Variants in NXPH1 observed in about 807,000 individuals in gnomAD.
NXPH1 encodes the protein neurexophilin 1.
A neutral mutation model predicts 23.7 loss-of-function variants in NXPH1; 5 were observed. The ratio of observed to expected loss-of-function variants is 0.21; its 90% CI spans 0.11 to 0.44. NXPH1 has a LOEUF of 0.44. Ranked by LOEUF, NXPH1 falls within the 20% of genes least tolerant of loss-of-function variation. The pLI is 0.99. For synonymous variants in NXPH1, 144 were observed against 122.2 expected (o/e 1.18, Z -1.18); for missense variants, 324 against 321.6 (o/e 1.01, Z -0.06).
chr7:8,552,114 C>CAAAAA (rs34390317), intron 2 of NXPH1, among the ~76,000 whole-genome samples: 1 of 61,744 alleles, frequency 1.6e-5, no homozygotes, highest in Non-Finnish European at 3.3e-5. Flanking sequence ...GAAAAAAAAC[C>CAAAAA]AAAAAAAAAA....
Position 8,667,843 on chromosome 7 carries a change from C to G in NXPH1, c.55-83165C>G, listed in dbSNP as rs114428723. Reference sequence around the variant, plus strand: ...AATATTTGATCTTTTAAAGCTGTCCCATAAATCCCATGTTTTATTTATTCC... The same window carrying G: ...AATATTTGATCTTTTAAAGCTGTCCGATAAATCCCATGTTTTATTTATTCC... On this transcript the variant is annotated intron_variant, in intron 2 of 2. Transcript: ENST00000405863. 8.1e-3 allele frequency among the ~76,000 whole-genome samples: 1,232 copies of G among 152,086 alleles called. 18 individuals are homozygous for G. Among genetic ancestry groups the G allele is most frequent in the African/African-American group, 0.028 (1,151 of 41,508 alleles).
intron 2 of NXPH1, among the ~76,000 whole-genome samples, chr7:8,680,148 C>T (rs116815001): frequency 0.014 from 2,191 of 152,336 alleles, 50 homozygotes; most frequent in African/African-American, 0.05. Context: ...TTTTCCTATG[C>T]TGGTAATTGT....
chr7:8,448,280 A>G (rs1816440202), intron 2 of NXPH1, among the ~76,000 whole-genome samples: 1 of 152,240 alleles, frequency 6.6e-6, no homozygotes, highest in Non-Finnish European at 1.5e-5. Flanking sequence ...GTACAATGCA[A>G]TGATGAACTA....
At chr7:8,438,592 A>G (rs1412149894) in intron 2 of NXPH1, among the ~76,000 whole-genome samples, 1 of 152,194 alleles carries the variant, frequency 6.6e-6, no homozygotes, top group Non-Finnish European at 1.5e-5. Context: ...CCCAGGGAGT[A>G]ATCACCACAT....
In NXPH1 at chr7:8,694,291, A is replaced by C. The variant is rs1479468789; in HGVS notation, c.55-56717A>C. Among the ~76,000 whole-genome samples the C allele has an allele frequency of 2.0e-5, 3 of 152,220 alleles. No individual in the cohort carries two copies. The East Asian group carries it at 5.8e-4, about 29-fold the overall frequency. ...CAGATGCCCCTATGTGCATTGGTTG[A>C]GTTGTCCCTTGACACCCATGTCAGG... On this transcript the variant is annotated intron_variant, in intron 2 of 2. Coordinates refer to ENST00000405863, the MANE Select transcript of NXPH1 (RefSeq NM_152745.3).
intron 2 of NXPH1, among the ~76,000 whole-genome samples, chr7:8,667,604 G>C (rs1289932932): frequency 6.6e-6 from 1 of 151,674 alleles, no homozygotes; most frequent in Non-Finnish European, 1.5e-5. Context: ...TTCTCTTGCT[G>C]CTTTCAGGAT....
At chr7:8,620,449 G>C (rs981060466) in intron 2 of NXPH1, among the ~76,000 whole-genome samples, 1 of 152,100 alleles carries the variant, frequency 6.6e-6, no homozygotes, top group East Asian at 1.9e-4. Flanking sequence ...TTAGTTCAAG[G>C]GGAATTATGG....
chr7:8,670,731 GA>G (rs1372960737), intron 2 of NXPH1, among the ~76,000 whole-genome samples: 1 of 152,164 alleles, frequency 6.6e-6, no homozygotes, highest in Non-Finnish European at 1.5e-5. Flanking sequence ...AAAGCAATTT[GA>G]AAAAGTTTTT....
intron 2 of NXPH1, among the ~76,000 whole-genome samples, chr7:8,472,315 A>G (rs1237190012): frequency 6.6e-6 from 1 of 152,142 alleles, no homozygotes; most frequent in African/African-American, 2.4e-5. Context: ...AGGCCCTTCT[A>G]AAATTCTGTG....
chr7:8,751,333 A>T lies in NXPH1; in HGVS notation c.380A>T (p.Asn127Ile). ...TTTGGATGGGGCGATTTTCATTCCA[A>T]CATCAAAACAGTGAAGCTGAACCTG... ...KMFGWGDFHS[N>I]IKTVKLNLLI... Residue 127 changes from asparagine (N) to isoleucine (I), a missense_variant, in exon 3 of 3, where the codon AAC becomes ATC. Physicochemically the swap from Asn to Ile is moderately radical, Grantham distance 149. Transcript: ENST00000405863. This position sits in a 1 kb window ranked among gnomAD's most constrained non-coding sequence, Gnocchi z 4.5. 6.2e-7 allele frequency: 1 copy of T among 1,613,954 alleles called. No individual in the cohort carries two copies. The highest frequency in any genetic ancestry group is 8.5e-7 in the Non-Finnish European group (1 of 1,179,874).
chr7:8,526,679 A>G (rs1462505662), intron 2 of NXPH1, among the ~76,000 whole-genome samples: 1 of 152,176 alleles, frequency 6.6e-6, no homozygotes, highest in East Asian at 1.9e-4. Flanking sequence ...TGAGAGGTTT[A>G]TCAGGGGTTT....
intron 2 of NXPH1, among the ~76,000 whole-genome samples, chr7:8,601,118 G>T (rs557340543): frequency 2.6e-5 from 4 of 152,064 alleles, no homozygotes; most frequent in Non-Finnish European, 5.9e-5. Context: ...TCCACAGGAG[G>T]TCCTGGAACC....
intron 2 of NXPH1, among the ~76,000 whole-genome samples, chr7:8,501,176 G>A (rs1817425402): frequency 6.6e-6 from 1 of 151,948 alleles, no homozygotes; most frequent in Non-Finnish European, 1.5e-5. Flanking sequence ...TGAGCTCTAG[G>A]GATCTGCCTT....
chr7:8,561,609 G>A (rs974052557), intron 2 of NXPH1, among the ~76,000 whole-genome samples: 3 of 151,604 alleles, frequency 2.0e-5, no homozygotes, highest in Non-Finnish European at 3.0e-5. Flanking sequence ...GGCAGAAACA[G>A]ATTCACAGAC....
intron 2 of NXPH1, among the ~76,000 whole-genome samples, chr7:8,675,564 A>T (rs931506573): frequency 6.6e-6 from 1 of 152,164 alleles, no homozygotes; most frequent in Admixed American, 6.6e-5. Flanking sequence ...GACTGCAGAA[A>T]CAGAAGACAT....
intron 2 of NXPH1, among the ~76,000 whole-genome samples, chr7:8,750,472 G>T (rs1278476733): frequency 6.6e-6 from 1 of 152,050 alleles, no homozygotes; most frequent in Non-Finnish European, 1.5e-5. Flanking sequence ...AACAGGCTCT[G>T]GTGTGTGCTG....
intron 2 of NXPH1, among the ~76,000 whole-genome samples, chr7:8,574,608 T>G (rs943415193): frequency 6.6e-6 from 1 of 152,192 alleles, no homozygotes; most frequent in African/African-American, 2.4e-5. Flanking sequence ...ACAGGTTGTT[T>G]TCCTGGTGTC....
chr7:8,672,261 G>T (rs1820880901), intron 2 of NXPH1, among the ~76,000 whole-genome samples: 1 of 152,054 alleles, frequency 6.6e-6, no homozygotes, highest in Admixed American at 6.6e-5. Context: ...CTCACTCATA[G>T]ATGGGAATTG....
At chr7:8,537,818 T>A (rs1818051430) in intron 2 of NXPH1, among the ~76,000 whole-genome samples, 1 of 151,886 alleles carries the variant, frequency 6.6e-6, no homozygotes, top group Non-Finnish European at 1.5e-5. Flanking sequence ...GTAATTGGTA[T>A]TTTTTTCTCT....
Sources: allele counts gnomAD v4.1 joint callset (sites outside exome capture counted in the v4.1 genomes callset), GRCh38; gene constraint gnomAD v4.1.1; non-coding constraint Gnocchi (gnomAD v3.1); transcripts MANE v1.5; gene names NCBI Gene and HGNC (gene_info 2026-07-23, HGNC 2026-07-21).